Variants in EPC2 observed in about 807,000 individuals in gnomAD.
EPC2 encodes enhancer of polycomb 2, also known as enhancer of polycomb homolog 2.
In EPC2, 14 loss-of-function variants were observed where a neutral mutation model predicts 92.1. The ratio of observed to expected loss-of-function variants is 0.15; its 90% confidence interval spans 0.10 to 0.24. The LOEUF (loss-of-function observed/expected upper bound fraction) is 0.24, where lower values mean the gene tolerates loss of function less well. Ranked by LOEUF, EPC2 falls within the 10% of genes least tolerant of loss-of-function variation. The pLI is 1.00. For missense variants in EPC2, 755 were observed against 971.5 expected (o/e 0.78, Z 2.96); for synonymous variants, 340 against 334.7 (o/e 1.02, Z -0.17).
rs150149272 is a variant in EPC2, at chr2:148,743,375, A to T, written c.314-247A>T. Among the ~76,000 whole-genome samples, 970 of 152,222 alleles carry T rather than the reference A, an allele frequency of 6.4e-3. 10 individuals carry two copies. Among genetic ancestry groups the T allele is most frequent in the African/African-American group, 0.022 (922 of 41,534 alleles). ...ATCTTTTTTATAGCTGCTATTTTAT[A>T]TTCTGTTATACATTTTCAAAATAAG... On this transcript the variant is annotated intron_variant, in intron 2 of 13. Coordinates refer to ENST00000258484, the MANE Select transcript of EPC2 (RefSeq NM_015630.4).
At chr2:148,664,237 A>G (rs968508421) in intron 1 of EPC2, among the ~76,000 whole-genome samples, 3 of 152,132 alleles carry the variant, frequency 2.0e-5, no homozygotes, top group African/African-American at 7.2e-5. Flanking sequence ...AGTGGCTCAC[A>G]CCTGTAATCC....
At chr2:148,664,108 G>A (rs1353989436) in intron 1 of EPC2, among the ~76,000 whole-genome samples, 1 of 152,132 alleles carries the variant, frequency 6.6e-6, no homozygotes, top group Non-Finnish European at 1.5e-5. Flanking sequence ...GCATACTGTT[G>A]TGTATTACAT....
intron 2 of EPC2, 54 bp downstream of exon 2, chr2:148,690,427 G>A: frequency 6.9e-7 from 1 of 1,448,896 alleles, no homozygotes; most frequent in Non-Finnish European, 9.2e-7. Context: ...ATCAACCAGT[G>A]GAAATCTTTT....
intron 2 of EPC2, among the ~76,000 whole-genome samples, chr2:148,714,417 G>A (rs1682216274): frequency 6.6e-6 from 1 of 152,036 alleles, no homozygotes; most frequent in Non-Finnish European, 1.5e-5. Context: ...TATTCCTTTG[G>A]GTATATACCA....
rs1045897575 is a variant in EPC2 at position 148,752,696 on chromosome 2, A to G, written c.460-1231A>G. Among the ~76,000 whole-genome samples, 3 of 152,310 alleles carry G rather than the reference A, an allele frequency of 2.0e-5. No individual in the cohort carries two copies. The East Asian group carries it at 5.8e-4, about 29-fold the overall frequency. On this transcript the variant is annotated intron_variant, in intron 3 of 13. Coordinates refer to ENST00000258484, the MANE Select transcript of EPC2 (RefSeq NM_015630.4). Reference sequence around the variant, plus strand: ...TTCCTGTGGTCAAACTAGGCAGACAAATTACAATAAGAAACCGATGAATTA... The same window carrying G: ...TTCCTGTGGTCAAACTAGGCAGACAGATTACAATAAGAAACCGATGAATTA...
At chr2:148,736,238 C>A (rs1369606255) in intron 2 of EPC2, among the ~76,000 whole-genome samples, 1 of 152,082 alleles carries the variant, frequency 6.6e-6, no homozygotes, top group African/African-American at 2.4e-5. Flanking sequence ...GTTTTAAAGT[C>A]ATTATGGATC....
At chr2:148,785,145 T>G in intron 13 of EPC2, 144 bp downstream of exon 13, 1 of 658,832 alleles carries the variant, frequency 1.5e-6, no homozygotes, top group Non-Finnish European at 2.3e-6. Context: ...TGTATAAAGC[T>G]CTGTGACTTA....
chr2:148,688,781 A>G (rs570482860), intron 1 of EPC2, among the ~76,000 whole-genome samples: 1 of 152,186 alleles, frequency 6.6e-6, no homozygotes, highest in Non-Finnish European at 1.5e-5. Context: ...AGCAGCTTCT[A>G]TATTTTGGCC....
chr2:148,685,161 A>G (rs949663899), intron 1 of EPC2, among the ~76,000 whole-genome samples: 7 of 152,160 alleles, frequency 4.6e-5, no homozygotes, highest in Non-Finnish European at 8.8e-5. Flanking sequence ...TTAAAATAAC[A>G]TACTATTTTG....
At chr2:148,697,923 T>C (rs906288857) in intron 2 of EPC2, among the ~76,000 whole-genome samples, 15 of 152,152 alleles carry the variant, frequency 9.9e-5, no homozygotes, top group Admixed American at 1.3e-4. Flanking sequence ...GTGGCAGTTA[T>C]TGATTTCTAA....
At chr2:148,776,522 A>ACC (rs1683648022) in intron 10 of EPC2, among the ~76,000 whole-genome samples, 1 of 152,140 alleles carries the variant, frequency 6.6e-6, no homozygotes, top group Admixed American at 6.5e-5. Flanking sequence ...TAGTCCTGGA[A>ACC]AGGTCATGTC....
chr2:148,731,165 G>A (rs1226865350), intron 2 of EPC2, among the ~76,000 whole-genome samples: 2 of 152,082 alleles, frequency 1.3e-5, no homozygotes, highest in Non-Finnish European at 2.9e-5. Context: ...AGTCAGTGTT[G>A]GTTGTTACTG....
intron 2 of EPC2, among the ~76,000 whole-genome samples, chr2:148,696,469 A>G (rs1171560469): frequency 6.6e-6 from 1 of 152,242 alleles, no homozygotes; most frequent in African/African-American, 2.4e-5. Context: ...GTAAAATACA[A>G]TGCAATAAAT....
chr2:148,780,497 G>T (rs1260031465), intron 10 of EPC2, among the ~76,000 whole-genome samples: 1 of 152,144 alleles, frequency 6.6e-6, no homozygotes, highest in Non-Finnish European at 1.5e-5. Context: ...ATAGTTGCCA[G>T]TCTAAACTCC....
intron 1 of EPC2, among the ~76,000 whole-genome samples, chr2:148,656,032 G>T (rs368894198): frequency 0.18 from 23,140 of 131,722 alleles, 3,029 homozygotes; most frequent in East Asian, 0.51. Context: ...TGTGGGGGGG[G>T]GGGGGGTTAT....
intron 3 of EPC2, among the ~76,000 whole-genome samples, chr2:148,751,284 T>C (rs180925668): frequency 2.6e-4 from 40 of 152,270 alleles, no homozygotes; most frequent in African/African-American, 9.4e-4. Flanking sequence ...ATTACAGATT[T>C]TGTTGATTAA....
intron 1 of EPC2, among the ~76,000 whole-genome samples, chr2:148,658,483 A>G (rs1011880742): frequency 1.3e-5 from 2 of 152,096 alleles, no homozygotes; most frequent in African/African-American, 4.8e-5. Context: ...GGGCAACTCA[A>G]ATATTTCACT....
chr2:148,786,347 A>C lies in EPC2; in HGVS notation c.2394A>C (p.Ala798=). Residue 798 remains alanine (A), a synonymous_variant, in exon 14 of 14, where the codon GCA becomes GCC. Transcript: ENST00000258484. ...EPERLGLNGI[A]ETTVAMEVT ...AAAGATTGGGCTTAAATGGAATAGC[A>C]GAGACAACAGTAGCTATGGAAGTGA... is the stretch of plus-strand genomic sequence containing the variant. 6.2e-7 allele frequency: 1 copy of C among 1,611,764 alleles called. No homozygotes were observed. The highest frequency in any genetic ancestry group is 8.5e-7 in the Non-Finnish European group (1 of 1,178,900).
chr2:148,693,148 A>AT (rs904605161), intron 2 of EPC2, among the ~76,000 whole-genome samples: 2 of 152,058 alleles, frequency 1.3e-5, no homozygotes, highest in African/African-American at 4.8e-5. Flanking sequence ...GTTAAAAAAA[A>AT]TTTTTTTTAT....
Sources: gnomAD v4.1 joint callset for allele counts (sites outside exome capture counted in the v4.1 genomes callset) on GRCh38, gnomAD v4.1.1 for gene constraint, MANE v1.5 for transcripts, NCBI Gene and HGNC (gene_info 2026-07-23, HGNC 2026-07-21) for gene names.